MMAA: variants seen among roughly 807,000 people sequenced by gnomAD.
MMAA encodes methylmalonic aciduria type A protein, mitochondrial.
Under a neutral mutation model 45.0 loss-of-function variants are expected in MMAA, and 41 were observed. The ratio of observed to expected loss-of-function variants is 0.91; its 90% CI spans 0.71 to 1.18. MMAA has a LOEUF of 1.18. Ranked by LOEUF, MMAA falls within the 50% of genes most tolerant of loss-of-function variation. MMAA has a pLI of 0.00. For missense variants in MMAA, 460 were observed against 495.7 expected (o/e 0.93, Z 0.68); for synonymous variants, 154 against 178.2 (o/e 0.86, Z 1.08).
At chr4:145,649,336 A>C (rs1427172785) in intron 4 of MMAA, among the ~76,000 whole-genome samples, 4 of 152,148 alleles carry the variant, frequency 2.6e-5, no homozygotes, top group Non-Finnish European at 4.4e-5. Flanking sequence ...GGCAGTCCAC[A>C]GCAGGTATGG....
intron 5 of MMAA, among the ~76,000 whole-genome samples, chr4:145,653,044 A>T (rs1728140632): frequency 6.6e-6 from 1 of 150,592 alleles, no homozygotes; most frequent in South Asian, 2.1e-4. Flanking sequence ...TAATTTTTTA[A>T]TTTTTTTTTC....
At position 145,646,061 on chromosome 4, in the gene MMAA, CT is replaced by C. The variant is rs2126622813; in HGVS notation, c.639del (p.Arg214GlufsTer4). The C allele has an allele frequency of 3.7e-6, 6 of 1,614,074 alleles. No homozygotes were observed. The highest frequency in any genetic ancestry group is 5.1e-6 in the Non-Finnish European group (6 of 1,179,956). On this transcript the variant is annotated frameshift_variant, in exon 4 of 7. Coordinates refer to ENST00000649156, the MANE Select transcript of MMAA (RefSeq NM_172250.3). LOFTEE classifies it high-confidence loss of function. ...DMNAYIRPSP[T>X]RGTLGGVTRT... ...AATGCATACATCAGGCCATCTCCTA[CT>C]AGAGGAACTTTAGGAGGCGTGACAA...
rs1728244558 is a variant in MMAA, at chr4:145,656,747, T to G, written c.*1313T>G. On this transcript the variant is annotated 3_prime_UTR_variant, in exon 7 of 7. Transcript: ENST00000649156. ...TTGCACAAAAAGCCTTTATAGAAGT[T>G]TCTAACATATTCTATTCTGAACCCT... 6.6e-6 allele frequency: 1 copy of G among 152,218 alleles called. No individual in the cohort carries two copies. 9.4% of individuals were successfully genotyped at this position (152,218 alleles called of 1,614,324 possible).
chr4:145,646,401 TG>T (rs1446113305), intron 4 of MMAA: 2 of 464,180 alleles, frequency 4.3e-6, no homozygotes, highest in Non-Finnish European at 7.8e-6. Flanking sequence ...ATATTATACA[TG>T]CCAGAGGAGA....
intron 2 of MMAA, among the ~76,000 whole-genome samples, chr4:145,640,520 T>A (rs767721650): frequency 2.0e-5 from 3 of 152,022 alleles, no homozygotes; most frequent in Non-Finnish European, 4.4e-5. Context: ...TGGCTAATTT[T>A]TTTTAGAAGT....
chr4:145,642,498 G>T lies in MMAA; in HGVS notation c.562+13G>T. The T allele has an allele frequency of 6.2e-7, 1 of 1,613,950 alleles. No homozygotes were observed. Among genetic ancestry groups the T allele is most frequent in the South Asian group, 1.1e-5 (1 of 91,062 alleles). On this transcript the variant is annotated intron_variant, in intron 3 of 6. Coordinates refer to ENST00000649156, the MANE Select transcript of MMAA (RefSeq NM_172250.3). The stretch of plus-strand genomic sequence containing the variant: ...TGTACTAGTGGTGGTAAGTATGGCT[G>T]ATTCTTTTTCAATTGCAGAGGTCTG...
chr4:145,656,718 G>A lies in MMAA; in HGVS notation c.*1284G>A, dbSNP rs564976817. 6 of 151,956 alleles carry A rather than the reference G, an allele frequency of 3.9e-5. No homozygotes were observed. Among genetic ancestry groups the A allele is most frequent in the African/African-American group, 2.4e-5 (1 of 41,368 alleles). 9.4% of individuals were successfully genotyped at this position (151,956 alleles called of 1,614,324 possible). On this transcript the variant is annotated 3_prime_UTR_variant, in exon 7 of 7. Transcript: ENST00000649156. Reference sequence around the variant, plus strand: ...ATAAAATTTCTAACCATAAAATTTCGCCATTGCACAAAAAGCCTTTATAGA... The same window carrying A: ...ATAAAATTTCTAACCATAAAATTTCACCATTGCACAAAAAGCCTTTATAGA...
chr4:145,652,157 G>A (rs768172609), intron 5 of MMAA, among the ~76,000 whole-genome samples: 4 of 152,094 alleles, frequency 2.6e-5, no homozygotes, highest in Non-Finnish European at 4.4e-5. Flanking sequence ...TGGGAGGGCC[G>A]AAATGCAAAG....
chr4:145,629,287 C>T (rs1212306857), intron 1 of MMAA, among the ~76,000 whole-genome samples: 6 of 152,112 alleles, frequency 3.9e-5, no homozygotes, highest in Non-Finnish European at 5.9e-5. Flanking sequence ...CCCACCACCA[C>T]GCCTGGCTAA....
intron 2 of MMAA, among the ~76,000 whole-genome samples, chr4:145,641,032 A>G (rs1177014693): frequency 2.0e-5 from 3 of 152,250 alleles, no homozygotes; most frequent in African/African-American, 7.2e-5. Flanking sequence ...ATGGGCATAG[A>G]TGCTTTAAGA....
chr4:145,619,584 G>A (rs942305589), intron 1 of MMAA, among the ~76,000 whole-genome samples, 177 bp downstream of exon 1: 2 of 152,216 alleles, frequency 1.3e-5, no homozygotes, highest in Admixed American at 6.5e-5. Flanking sequence ...TCGGGGTGCG[G>A]ATATGTGTGG....
intron 1 of MMAA, among the ~76,000 whole-genome samples, chr4:145,631,277 G>T (rs754530253): frequency 6.6e-6 from 1 of 152,156 alleles, no homozygotes; most frequent in Non-Finnish European, 1.5e-5. Context: ...TTGTATTGGG[G>T]TCTATCTCTC....
rs200577967 is a variant in MMAA, at chr4:145,639,573, G to A, written c.434G>A (p.Arg145Gln). 27 of 1,607,922 alleles carry A rather than the reference G, an allele frequency of 1.7e-5. No individual in the cohort carries two copies. Among genetic ancestry groups the A allele is most frequent in the African/African-American group, 2.7e-5 (2 of 74,708 alleles). ...AATAAAGGAAAACCACTAGCATTTC[G>A]AGTAGGTCAGTCTTTTTTGTGTGTT... Reference protein sequence around the residue: ...QSNKGKPLAFRVGLSGPPGAG... With the variant: ...QSNKGKPLAFQVGLSGPPGAG... Residue 145 changes from arginine to glutamine, a missense_variant, in exon 2 of 7, where the codon CGA becomes CAA. Transcript: ENST00000649156.
intron 1 of MMAA, among the ~76,000 whole-genome samples, chr4:145,627,760 C>T (rs1734234787): frequency 6.6e-6 from 1 of 152,060 alleles, no homozygotes; most frequent in African/African-American, 2.4e-5. Context: ...ACGATATGCA[C>T]TACAGACACC....
At chr4:145,620,407 T>G (rs1379338348) in intron 1 of MMAA, among the ~76,000 whole-genome samples, 2 of 152,222 alleles carry the variant, frequency 1.3e-5, no homozygotes, top group African/African-American at 4.8e-5. Flanking sequence ...CTCGAAACAT[T>G]TACCATTTAG....
chr4:145,646,064 G>A lies in MMAA; in HGVS notation c.641G>A (p.Arg214Lys). 6.2e-7 allele frequency: 1 copy of A among 1,614,050 alleles called. No individual in the cohort carries two copies. The highest frequency in any genetic ancestry group is 8.5e-7 in the Non-Finnish European group (1 of 1,179,940). The change falls in exon 4 of 7, where the codon AGA (arginine) becomes AAA (lysine). Residue 214 changes from arginine to lysine, a missense_variant. Coordinates refer to ENST00000649156, the MANE Select transcript of MMAA (RefSeq NM_172250.3). ...MNAYIRPSPTRGTLGGVTRTT... is the reference protein window; with the variant it reads ...MNAYIRPSPTKGTLGGVTRTT... ...GCATACATCAGGCCATCTCCTACTA[G>A]AGGAACTTTAGGAGGCGTGACAAGG...
intron 6 of MMAA, 89 bp from the exon 7 acceptor site, chr4:145,655,058 G>C: frequency 7.1e-7 from 1 of 1,418,316 alleles, no homozygotes; most frequent in South Asian, 1.2e-5. Flanking sequence ...TTTGTAGACC[G>C]TAAGAATTAA....
chr4:145,639,982 G>A, intron 2 of MMAA: 1 of 327,552 alleles, frequency 3.1e-6, no homozygotes, highest in Non-Finnish European at 4.4e-6. Flanking sequence ...TGCCTCTTAG[G>A]TATTTCATTA....
At position 145,657,936 on chromosome 4, in the gene MMAA, AG is replaced by A. The variant is rs1172044971; in HGVS notation, c.*2503del. The stretch of plus-strand genomic sequence containing the variant: ...GAGCCTGGTGGGAGGTGTATGGATT[AG>A]ATCAGATCTCTCATGAATGACTTGG... On this transcript the variant is annotated 3_prime_UTR_variant, in exon 7 of 7. Transcript: ENST00000649156. The A allele has an allele frequency of 6.6e-6, 1 of 152,268 alleles. No homozygotes were observed. Among genetic ancestry groups the A allele is most frequent in the Non-Finnish European group, 1.5e-5 (1 of 68,060 alleles). 9.4% of individuals were successfully genotyped at this position (152,268 alleles called of 1,614,324 possible). A position where few individuals can be genotyped will look rare whatever the true frequency, so the allele number is the denominator to read the frequency against.
Sources: allele counts gnomAD v4.1 joint callset (sites outside exome capture counted in the v4.1 genomes callset), GRCh38; gene constraint gnomAD v4.1.1; transcripts MANE v1.5; gene names NCBI Gene and HGNC (gene_info 2026-07-23, HGNC 2026-07-21).